The following MYOCD variants were observed in gnomAD, a reference collection of about 807,000 sequenced individuals.
MYOCD encodes myocardin.
In MYOCD, 32 loss-of-function variants were observed where a neutral mutation model predicts 96.1. The observed-to-expected ratio is 0.33, with a 90% CI of 0.25 to 0.45. The LOEUF (loss-of-function observed/expected upper bound fraction) is 0.45. Ranked by LOEUF, MYOCD falls within the 20% of genes least tolerant of loss-of-function variation. MYOCD has a pLI of 1.00. For missense variants in MYOCD, 1,133 were observed against 1,200.6 expected (o/e 0.94, Z 0.83); for synonymous variants, 469 against 469.0 (o/e 1.00, Z 0.00).
At chr17:12,674,000 G>A (rs938086180) in intron 1 of MYOCD, among the ~76,000 whole-genome samples, 6 of 151,358 alleles carry the variant, frequency 4.0e-5, no homozygotes, top group Non-Finnish European at 7.4e-5. Context: ...GGGACCACGT[G>A]TTACCAAATA....
At chr17:12,700,399 ATTTTTTTTTTT>A (rs952565560) in intron 1 of MYOCD, among the ~76,000 whole-genome samples, 6 of 76,892 alleles carry the variant, frequency 7.8e-5, no homozygotes, top group East Asian at 4.5e-4. Context: ...CAATGGGAGA[ATTTTTTTTTTT>A]TTTTTTTTTT....
intron 1 of MYOCD, among the ~76,000 whole-genome samples, chr17:12,671,079 A>T (rs1004199084): frequency 6.6e-6 from 1 of 152,078 alleles, no homozygotes; most frequent in Admixed American, 6.5e-5. Flanking sequence ...TAAACCTTTT[A>T]CTTGTTTATT....
chr17:12,748,616 G>A (rs2032740848), intron 9 of MYOCD, among the ~76,000 whole-genome samples: 1 of 152,160 alleles, frequency 6.6e-6, no homozygotes, highest in African/African-American at 2.4e-5. Context: ...AGCGCATACA[G>A]TGTAATATTC....
At chr17:12,714,928 T>A (rs1215707379) in intron 2 of MYOCD, among the ~76,000 whole-genome samples, 5 of 152,164 alleles carry the variant, frequency 3.3e-5, no homozygotes, top group African/African-American at 1.2e-4. Flanking sequence ...AGTTTCCCCA[T>A]TCTGTTCACG....
intron 13 of MYOCD, 128 bp from the exon 14 acceptor site, chr17:12,762,945 T>G: frequency 8.4e-6 from 6 of 715,738 alleles, no homozygotes; most frequent in Non-Finnish European, 1.2e-5. Flanking sequence ...AGCTTAGAGA[T>G]GAGACTGGGT....
chr17:12,747,575 G>A (rs1318471248), intron 9 of MYOCD, among the ~76,000 whole-genome samples: 1 of 152,118 alleles, frequency 6.6e-6, no homozygotes, highest in African/African-American at 2.4e-5. Flanking sequence ...CTAGAAGGGT[G>A]AATGAGATTG....
At chr17:12,675,513 T>G (rs1288672330) in intron 1 of MYOCD, among the ~76,000 whole-genome samples, 1 of 152,252 alleles carries the variant, frequency 6.6e-6, no homozygotes, top group Non-Finnish European at 1.5e-5. Context: ...GAATTAATTT[T>G]TTAAAATTCA....
intron 1 of MYOCD, among the ~76,000 whole-genome samples, chr17:12,693,737 A>C (rs1402480337): frequency 6.6e-6 from 1 of 152,022 alleles, no homozygotes; most frequent in Non-Finnish European, 1.5e-5. Flanking sequence ...GAATAAAATA[A>C]ATGGTGTAGC....
At chr17:12,747,781 G>T (rs1053163268) in intron 9 of MYOCD, among the ~76,000 whole-genome samples, 4 of 151,716 alleles carry the variant, frequency 2.6e-5, no homozygotes, top group African/African-American at 9.7e-5. Context: ...AAAAGGAAAA[G>T]AACACTGAGA....
chr17:12,694,167 T>C (rs2030623441), intron 1 of MYOCD, among the ~76,000 whole-genome samples: 1 of 152,164 alleles, frequency 6.6e-6, no homozygotes, highest in Non-Finnish European at 1.5e-5. Context: ...GATGGGTTCA[T>C]GGAGGTTTGC....
chr17:12,731,052 G>A (rs1209978243), intron 5 of MYOCD, among the ~76,000 whole-genome samples: 1 of 152,188 alleles, frequency 6.6e-6, no homozygotes, highest in East Asian at 1.9e-4. Context: ...TGCGAGCATA[G>A]CCAGAGGATG....
In MYOCD at chr17:12,765,023, C is replaced by A. The variant is rs2033297616; in HGVS notation, c.*1379C>A. 1 of 152,098 alleles carries A rather than the reference C, an allele frequency of 6.6e-6. No homozygotes were observed. Among genetic ancestry groups the A allele is most frequent in the Non-Finnish European group, 1.5e-5 (1 of 68,040 alleles). 9.4% of individuals were successfully genotyped at this position (152,098 alleles called of 1,614,324 possible). A position where few individuals can be genotyped will look rare whatever the true frequency, so the allele number is the denominator to read the frequency against. The stretch of plus-strand genomic sequence containing the variant: ...ATTGGAAATCATTACATTGTAAAGA[C>A]AAATATGGATGATATTTACAAGAGA... On this transcript the variant is annotated 3_prime_UTR_variant, in exon 14 of 14. Coordinates refer to ENST00000425538, the MANE Select transcript of MYOCD (RefSeq NM_001146312.3).
intron 10 of MYOCD, among the ~76,000 whole-genome samples, chr17:12,754,061 G>GGTGT (rs71144923): frequency 0.03 from 4,473 of 149,554 alleles, 147 homozygotes; most frequent in East Asian, 0.17. Flanking sequence ...AAAGCAAAGA[G>GGTGT]GTGTGTGTGT....
chr17:12,723,085 ATCTTTGGGGATGAGGGC>A, intron 5 of MYOCD, 77 bp downstream of exon 5: 1 of 1,404,378 alleles, frequency 7.1e-7, no homozygotes, highest in Non-Finnish European at 9.7e-7. Context: ...ACATACTAGG[ATCTTTGGGGATGAGGGC>A]CTCTCACCAG....
intron 5 of MYOCD, among the ~76,000 whole-genome samples, chr17:12,726,200 C>T (rs1377349848): frequency 6.6e-6 from 1 of 152,132 alleles, no homozygotes; most frequent in Non-Finnish European, 1.5e-5. Flanking sequence ...CTTGTTGCGC[C>T]ATCATTCCCT....
chr17:12,699,928 A>AGAT (rs2030979712), intron 1 of MYOCD, among the ~76,000 whole-genome samples: 24 of 70,746 alleles, frequency 3.4e-4, no homozygotes, highest in African/African-American at 1.1e-3. Flanking sequence ...TTTTTTTTTG[A>AGAT]GATGGAGTCT....
intron 11 of MYOCD, among the ~76,000 whole-genome samples, 174 bp downstream of exon 11, chr17:12,756,731 TAAAG>T (rs2033026592): frequency 1.8e-5 from 2 of 111,414 alleles, no homozygotes; most frequent in African/African-American, 3.1e-5. Flanking sequence ...AATAAAAAAA[TAAAG>T]AACAATATAG....
rs2033366573 is a variant in MYOCD at position 12,767,263 on chromosome 17, GC to G, written c.*3621del. ...ATAATAGAGGGTCTGAGAACTGTCA[GC>G]CTTTTGCCATTCAAAAACATTTATG... On this transcript the variant is annotated 3_prime_UTR_variant, in exon 14 of 14. Coordinates refer to ENST00000425538, the MANE Select transcript of MYOCD (RefSeq NM_001146312.3). 6.6e-6 allele frequency: 1 copy of G among 152,082 alleles called. No individual in the cohort carries two copies. The highest frequency in any genetic ancestry group is 1.5e-5 in the Non-Finnish European group (1 of 68,002). The allele number at this position is 152,082 out of a possible 1,614,324, so 9.4% of individuals were successfully genotyped here. A position where few individuals can be genotyped will look rare whatever the true frequency, so the allele number is the denominator to read the frequency against.
At chr17:12,749,538 A>ATATATG (rs2032766664) in intron 9 of MYOCD, among the ~76,000 whole-genome samples, 1 of 148,060 alleles carries the variant, frequency 6.8e-6, no homozygotes, top group South Asian at 2.1e-4. Context: ...CAAAACTTAT[A>ATATATG]TATATATATG....
Sources: gnomAD v4.1 joint callset for allele counts (sites outside exome capture counted in the v4.1 genomes callset) on GRCh38, gnomAD v4.1.1 for gene constraint, MANE v1.5 for transcripts, NCBI Gene and HGNC (gene_info 2026-07-23, HGNC 2026-07-21) for gene names.